The following CNTN1 variants were observed in gnomAD, a reference collection of about 807,000 sequenced individuals.
CNTN1 encodes contactin-1.
A neutral mutation model predicts 126.4 loss-of-function variants in CNTN1; 38 were observed. That is an observed-to-expected ratio of 0.30 (90% confidence interval 0.23 to 0.39). The LOEUF is 0.39. Ranked by LOEUF, CNTN1 falls within the 10% of genes least tolerant of loss-of-function variation. CNTN1 has a pLI of 1.00. For synonymous variants in CNTN1, 413 were observed against 422.6 expected (o/e 0.98, Z 0.28); for missense variants, 1,009 against 1,248.4 (o/e 0.81, Z 2.89).
At chr12:40,843,231 T>C (rs770361392) in intron 1 of CNTN1, among the ~76,000 whole-genome samples, 2 of 152,192 alleles carry the variant, frequency 1.3e-5, no homozygotes, top group African/African-American at 4.8e-5. Context: ...ACAAATATTA[T>C]GTTGTAAATG....
chr12:40,980,938 A>G lies in CNTN1; in HGVS notation c.1834A>G (p.Ile612Val). Residue 612 changes from isoleucine (I) to valine (V), a missense_variant, in exon 16 of 24, where the codon ATA (isoleucine) becomes GTA (valine). By Grantham distance (29) the Ile-to-Val change is conservative. Coordinates refer to ENST00000551295, the MANE Select transcript of CNTN1 (RefSeq NM_001843.4). ...TCCAGGCCCTCCAGGTGGTCTGAGA[A>G]TAGAAGACATTAGAGCCACTTCTGT... is the stretch of plus-strand genomic sequence containing the variant. The part of the protein sequence containing the change: ...GPPGPPGGLR[I>V]EDIRATSVAL... 6.2e-7 allele frequency: 1 copy of G among 1,614,022 alleles called. No homozygotes were observed.
At chr12:40,961,034 T>C (rs1480913081) in intron 15 of CNTN1, among the ~76,000 whole-genome samples, 2 of 151,898 alleles carry the variant, frequency 1.3e-5, no homozygotes, top group Non-Finnish European at 2.9e-5. Context: ...AATGCAAGGG[T>C]AGTCATGATA....
At chr12:40,917,067 G>A (rs1336763371) in intron 3 of CNTN1, among the ~76,000 whole-genome samples, 1 of 129,626 alleles carries the variant, frequency 7.7e-6, no homozygotes, top group Non-Finnish European at 1.6e-5. Context: ...GGGGCGGGGG[G>A]GGGGGCAGAA....
chr12:40,862,501 CT>C (rs1407840258), intron 1 of CNTN1, among the ~76,000 whole-genome samples: 2 of 152,018 alleles, frequency 1.3e-5, no homozygotes, highest in African/African-American at 4.8e-5. Flanking sequence ...AGAGGTTTGG[CT>C]TTTTTTGTTA....
At chr12:41,025,100 C>T (rs1202692966) in intron 20 of CNTN1, 50 bp from the exon 21 acceptor site, 2 of 1,583,258 alleles carry the variant, frequency 1.3e-6, no homozygotes, top group Non-Finnish European at 1.7e-6. Flanking sequence ...CTTTTCATAG[C>T]TGAAGACTCT....
intron 23 of CNTN1, among the ~76,000 whole-genome samples, chr12:41,052,025 C>CCA (rs1023357204): frequency 4.0e-5 from 6 of 151,512 alleles, no homozygotes; most frequent in Non-Finnish European, 5.9e-5. Flanking sequence ...GACTCACTCT[C>CCA]CACACACACA....
At chr12:40,926,993 C>T (rs957507048) in intron 6 of CNTN1, among the ~76,000 whole-genome samples, 4 of 151,918 alleles carry the variant, frequency 2.6e-5, no homozygotes, top group Admixed American at 6.6e-5. Flanking sequence ...AGCTTCCAAA[C>T]GGAAATCAAG....
chr12:40,921,561 T>C (rs906397762), intron 4 of CNTN1, among the ~76,000 whole-genome samples: 5 of 152,196 alleles, frequency 3.3e-5, no homozygotes, highest in Non-Finnish European at 7.3e-5. Flanking sequence ...TGTTATGATA[T>C]TATGTGGTTG....
intron 1 of CNTN1, among the ~76,000 whole-genome samples, chr12:40,838,399 G>A (rs142255956): frequency 9.9e-5 from 15 of 152,246 alleles, no homozygotes; most frequent in African/African-American, 3.4e-4. Flanking sequence ...GCTACCCAAT[G>A]TCCAAGTATC....
At chr12:40,714,875 G>A (rs1245797250) in intron 1 of CNTN1, among the ~76,000 whole-genome samples, 1 of 152,016 alleles carries the variant, frequency 6.6e-6, no homozygotes, top group Admixed American at 6.6e-5. Flanking sequence ...AAAATAGACT[G>A]AAAGTCTTTT....
intron 1 of CNTN1, among the ~76,000 whole-genome samples, chr12:40,784,232 A>G (rs1442589610): frequency 6.6e-6 from 1 of 152,138 alleles, no homozygotes; most frequent in Non-Finnish European, 1.5e-5. Context: ...CTATCAATAT[A>G]TTTTTAGAAA....
At chr12:40,849,844 C>G (rs1382191006) in intron 1 of CNTN1, among the ~76,000 whole-genome samples, 2 of 151,798 alleles carry the variant, frequency 1.3e-5, no homozygotes, top group African/African-American at 4.8e-5. Flanking sequence ...CTGTGAGACA[C>G]AGAATACTAT....
At chr12:40,832,343 T>C (rs181117163) in intron 1 of CNTN1, among the ~76,000 whole-genome samples, 7 of 152,334 alleles carry the variant, frequency 4.6e-5, no homozygotes, top group Non-Finnish European at 1.0e-4. Flanking sequence ...TGTTGCGTAG[T>C]GATATGGTAG....
At chr12:41,007,044 GGTTTTTTT>G (rs1948510644) in intron 17 of CNTN1, among the ~76,000 whole-genome samples, 12 of 123,446 alleles carry the variant, frequency 9.7e-5, no homozygotes, top group African/African-American at 3.7e-4. Context: ...AGTTTTGTGT[GGTTTTTTT>G]TTTTTTTTTT....
chr12:40,884,042 T>TAA (rs1943954125), intron 1 of CNTN1, among the ~76,000 whole-genome samples: 2 of 151,540 alleles, frequency 1.3e-5, no homozygotes, highest in Non-Finnish European at 3.0e-5. Flanking sequence ...TAATCATGCT[T>TAA]TGGTGTTATT....
intron 1 of CNTN1, among the ~76,000 whole-genome samples, chr12:40,799,616 C>G (rs1349866628): frequency 6.6e-6 from 1 of 151,968 alleles, no homozygotes; most frequent in Non-Finnish European, 1.5e-5. Context: ...TGGCTAAATT[C>G]ATCAGCCAGT....
At chr12:40,732,451 A>C (rs1189092963) in intron 1 of CNTN1, among the ~76,000 whole-genome samples, 1 of 152,038 alleles carries the variant, frequency 6.6e-6, no homozygotes. Flanking sequence ...CATTATCCAA[A>C]ATTCTCAAAT....
chr12:40,784,800 C>G (rs10735959), intron 1 of CNTN1, among the ~76,000 whole-genome samples: 146,527 of 152,228 alleles, frequency 0.96, 70,756 homozygotes, highest in East Asian at 1. Flanking sequence ...CCCACACCTT[C>G]CCACTGATTG....
At chr12:40,862,761 G>A (rs1297218701) in intron 1 of CNTN1, among the ~76,000 whole-genome samples, 3 of 152,068 alleles carry the variant, frequency 2.0e-5, no homozygotes, top group African/African-American at 4.8e-5. Flanking sequence ...TCTGAACTGG[G>A]TAAAGACTCC....
Sources: gnomAD v4.1 joint callset for allele counts (sites outside exome capture counted in the v4.1 genomes callset) on GRCh38, gnomAD v4.1.1 for gene constraint, MANE v1.5 for transcripts, NCBI Gene and HGNC (gene_info 2026-07-23, HGNC 2026-07-21) for gene names.